The following ZNF385B variants were observed in gnomAD, a reference collection of about 807,000 sequenced individuals.
The protein encoded by ZNF385B is zinc finger protein 385B.
ZNF385B carries 23 observed loss-of-function variants against 39.2 expected under a neutral mutation model. The observed-to-expected ratio is 0.59, with a 90% CI of 0.42 to 0.83. The LOEUF (loss-of-function observed/expected upper bound fraction) is 0.83. Among genes scored for constraint, ZNF385B ranks in the 40% least tolerant of loss-of-function variants. ZNF385B has a pLI of 0.00. For missense variants in ZNF385B, 552 were observed against 598.9 expected (o/e 0.92, Z 0.82); for synonymous variants, 205 against 222.6 (o/e 0.92, Z 0.70).
chr2:179,728,501 A>G (rs564177722), intron 3 of ZNF385B, among the ~76,000 whole-genome samples: 3 of 152,178 alleles, frequency 2.0e-5, no homozygotes, highest in Non-Finnish European at 4.4e-5. Context: ...CCACCACACC[A>G]TGACCTCTTT....
chr2:179,517,062 G>A (rs921077718), intron 5 of ZNF385B, among the ~76,000 whole-genome samples: 3 of 151,820 alleles, frequency 2.0e-5, no homozygotes, highest in Non-Finnish European at 4.4e-5. Flanking sequence ...ATATTGGTGT[G>A]AGTCTATTTC....
At chr2:179,810,276 A>G (rs1346752923) in intron 1 of ZNF385B, among the ~76,000 whole-genome samples, 2 of 151,936 alleles carry the variant, frequency 1.3e-5, no homozygotes, top group African/African-American at 4.8e-5. Context: ...AGAAAAGAAA[A>G]ACAGACAATT....
chr2:179,752,425 T>C (rs1702736282), intron 3 of ZNF385B, among the ~76,000 whole-genome samples: 1 of 152,216 alleles, frequency 6.6e-6, no homozygotes, highest in Non-Finnish European at 1.5e-5. Context: ...AGCAGCAGGA[T>C]TTATAATCCT....
chr2:179,729,422 T>A (rs944920149), intron 3 of ZNF385B, among the ~76,000 whole-genome samples: 20 of 152,182 alleles, frequency 1.3e-4, no homozygotes, highest in African/African-American at 4.8e-4. Flanking sequence ...TGTAAACAGA[T>A]GTAAACCTCT....
At chr2:179,685,847 A>C (rs1329680477) in intron 3 of ZNF385B, among the ~76,000 whole-genome samples, 1 of 152,210 alleles carries the variant, frequency 6.6e-6, no homozygotes. Context: ...ATTCCTAATA[A>C]AAAGTTGATA....
chr2:179,623,532 G>A lies in ZNF385B; in HGVS notation c.299-78563C>T, dbSNP rs895212940. 5.3e-5 allele frequency among the ~76,000 whole-genome samples: 8 copies of A among 152,230 alleles called. 1 individual carries two copies. Among genetic ancestry groups the A allele is most frequent in the Middle Eastern group, 3.4e-3 (1 of 294 alleles). ...TAGTGATATCAAGAGGCAGGAACAG[G>A]GAAGATGCCATTTTGAAGACGGCAC... On this transcript the variant is annotated intron_variant, in intron 3 of 9. Transcript: ENST00000410066.
intron 1 of ZNF385B, among the ~76,000 whole-genome samples, chr2:179,800,382 A>G (rs1705952315): frequency 6.6e-6 from 1 of 152,106 alleles, no homozygotes; most frequent in South Asian, 2.1e-4. Context: ...AATCATATCC[A>G]TTAAAATTGT....
At chr2:179,514,802 G>A (rs1285879384) in intron 5 of ZNF385B, among the ~76,000 whole-genome samples, 1 of 145,246 alleles carries the variant, frequency 6.9e-6, no homozygotes, top group African/African-American at 2.5e-5. Flanking sequence ...TTTTTAGATG[G>A]AATTTTGTTC....
At chr2:179,704,520 G>A (rs1319769876) in intron 3 of ZNF385B, among the ~76,000 whole-genome samples, 1 of 152,174 alleles carries the variant, frequency 6.6e-6, no homozygotes, top group Non-Finnish European at 1.5e-5. Flanking sequence ...GGGAGATTAG[G>A]CTAAAGAAGA....
chr2:179,548,858 G>A (rs2060395101), intron 3 of ZNF385B, among the ~76,000 whole-genome samples: 1 of 149,136 alleles, frequency 6.7e-6, no homozygotes, highest in African/African-American at 2.5e-5. Context: ...TTCAAGATGA[G>A]GTTTGGGCTA....
chr2:179,523,003 T>C (rs1190857580), intron 4 of ZNF385B: 5 of 313,420 alleles, frequency 1.6e-5, no homozygotes, highest in Non-Finnish European at 3.4e-5. Flanking sequence ...AGACCCATTT[T>C]CCTTGCTTTT....
chr2:179,514,123 GC>G (rs2057904999), intron 5 of ZNF385B: 1 of 152,168 alleles, frequency 6.6e-6, no homozygotes, highest in African/African-American at 2.4e-5. Context: ...ATCTCACTGG[GC>G]TAACATCGAG....
At chr2:179,618,937 T>C (rs1332477023) in intron 3 of ZNF385B, among the ~76,000 whole-genome samples, 1 of 152,218 alleles carries the variant, frequency 6.6e-6, no homozygotes, top group Non-Finnish European at 1.5e-5. Flanking sequence ...GTGTAGTGGC[T>C]TTTGTTTTGC....
intron 4 of ZNF385B, among the ~76,000 whole-genome samples, chr2:179,521,935 G>C (rs1467997430): frequency 6.6e-6 from 1 of 152,088 alleles, no homozygotes; most frequent in East Asian, 1.9e-4. Flanking sequence ...TTCTGGAAAA[G>C]ATTCACTTTT....
chr2:179,592,300 C>A (rs1687632662), intron 3 of ZNF385B, among the ~76,000 whole-genome samples: 1 of 152,190 alleles, frequency 6.6e-6, no homozygotes, highest in Admixed American at 6.5e-5. Flanking sequence ...AAACCCTGTT[C>A]ATTTAAATAA....
intron 4 of ZNF385B, among the ~76,000 whole-genome samples, chr2:179,540,959 G>A (rs17748998): frequency 0.048 from 7,375 of 152,276 alleles, 279 homozygotes; most frequent in Admixed American, 0.11. Context: ...TTAGTGGGTA[G>A]CCAGGCACAG....
At chr2:179,839,914 C>A (rs749371914) in intron 1 of ZNF385B, among the ~76,000 whole-genome samples, 3 of 152,120 alleles carry the variant, frequency 2.0e-5, no homozygotes, top group Admixed American at 6.6e-5. Context: ...GAATAAACAC[C>A]CTGATCTCAA....
At chr2:179,654,213 C>T (rs1398135704) in intron 3 of ZNF385B, among the ~76,000 whole-genome samples, 1 of 152,096 alleles carries the variant, frequency 6.6e-6, no homozygotes, top group Non-Finnish European at 1.5e-5. Flanking sequence ...GTGTATTGTA[C>T]ACAGGTATAC....
At chr2:179,852,501 T>C (rs1236747239) in intron 1 of ZNF385B, among the ~76,000 whole-genome samples, 1 of 152,196 alleles carries the variant, frequency 6.6e-6, no homozygotes, top group Non-Finnish European at 1.5e-5. Context: ...TTTGTAGGGT[T>C]AGGTTTGGGC....
Sources: allele counts gnomAD v4.1 joint callset (sites outside exome capture counted in the v4.1 genomes callset), GRCh38; gene constraint gnomAD v4.1.1; transcripts MANE v1.5; gene names NCBI Gene and HGNC (gene_info 2026-07-23, HGNC 2026-07-21).